Variants in GRIK2 observed in about 807,000 individuals in gnomAD.
GRIK2 encodes glutamate ionotropic receptor kainate type subunit 2, also known as glutamate receptor ionotropic, kainate 2.
In GRIK2, 32 loss-of-function variants were observed where a neutral mutation model predicts 100.3. The ratio of observed to expected loss-of-function variants is 0.32; its 90% CI spans 0.24 to 0.43. The LOEUF (loss-of-function observed/expected upper bound fraction) is 0.43. Ranked by LOEUF, GRIK2 falls within the 20% of genes least tolerant of loss-of-function variation. The probability of loss-of-function intolerance (pLI) is 1.00; values close to 1 mark genes in which losing one functional copy is unlikely to be tolerated. For missense variants in GRIK2, 843 were observed against 1,114.9 expected (o/e 0.76, Z 3.47); for synonymous variants, 417 against 389.4 (o/e 1.07, Z -0.83).
At chr6:101,837,031 T>C (rs548599330) in intron 10 of GRIK2, among the ~76,000 whole-genome samples, 1 of 152,228 alleles carries the variant, frequency 6.6e-6, no homozygotes, top group African/African-American at 2.4e-5. Context: ...ATCCAGAAAC[T>C]CAGTTCCTTC....
chr6:101,670,448 C>T (rs1770349262), intron 4 of GRIK2, among the ~76,000 whole-genome samples: 1 of 151,998 alleles, frequency 6.6e-6, no homozygotes, highest in Non-Finnish European at 1.5e-5. Context: ...AATAAGTAAA[C>T]ATTTATTGTA....
intron 14 of GRIK2, among the ~76,000 whole-genome samples, chr6:101,971,258 A>AT (rs1352040020): frequency 8.6e-5 from 13 of 152,038 alleles, no homozygotes; most frequent in African/African-American, 3.1e-4. Flanking sequence ...TTTTACAACC[A>AT]TTTTTCTAAT....
intron 12 of GRIK2, among the ~76,000 whole-genome samples, chr6:101,895,092 A>G (rs923297770): frequency 5.9e-5 from 9 of 151,826 alleles, no homozygotes; most frequent in Admixed American, 4.6e-4. Context: ...GCATTAGGCT[A>G]TTTAAATGAA....
intron 4 of GRIK2, among the ~76,000 whole-genome samples, chr6:101,633,337 G>C (rs1311573662): frequency 6.6e-6 from 1 of 152,090 alleles, no homozygotes; most frequent in African/African-American, 2.4e-5. Flanking sequence ...GGTTACTACG[G>C]TCTTTGGTAT....
rs751166491 is a variant in GRIK2 at position 101,495,513 on chromosome 6, G to GTAAA, written c.115+96141_115+96144dup. 1.3e-3 allele frequency among the ~76,000 whole-genome samples: 199 copies of GTAAA among 151,636 alleles called. 3 individuals are homozygous for GTAAA. Among genetic ancestry groups the GTAAA allele is most frequent in the Admixed American group, 2.0e-3 (30 of 15,206 alleles). On this transcript the variant is annotated intron_variant, in intron 2 of 16. Coordinates refer to ENST00000369134, the MANE Select transcript of GRIK2 (RefSeq NM_021956.5). ...AGAGCAAGACTCCGTCTCAAAATAA[G>GTAAA]TAAATAAATAAATAAATAAATAAGA...
intron 14 of GRIK2, among the ~76,000 whole-genome samples, chr6:101,982,677 C>T (rs1231222538): frequency 6.8e-5 from 10 of 147,772 alleles, no homozygotes; most frequent in African/African-American, 7.5e-5. Flanking sequence ...TCAATGTGTA[C>T]GAGAATCCAG....
At chr6:101,878,735 A>C (rs1318102351) in intron 11 of GRIK2, among the ~76,000 whole-genome samples, 1 of 151,664 alleles carries the variant, frequency 6.6e-6, no homozygotes, top group African/African-American at 2.4e-5. Context: ...CTTCATTCCT[A>C]ATCTTTCTTC....
intron 2 of GRIK2, among the ~76,000 whole-genome samples, chr6:101,464,883 T>C (rs935181275): frequency 1.3e-5 from 2 of 152,154 alleles, no homozygotes; most frequent in Non-Finnish European, 2.9e-5. Context: ...ATAGGCCTTT[T>C]AAAGGGCTTA....
intron 4 of GRIK2, among the ~76,000 whole-genome samples, chr6:101,631,094 G>C (rs1208558494): frequency 1.3e-5 from 2 of 151,944 alleles, no homozygotes; most frequent in African/African-American, 4.8e-5. Flanking sequence ...ATTAGCATTT[G>C]TTGTTGTCAT....
rs566523435 is a variant in GRIK2, at chr6:101,698,111, G to A, written c.951+11758G>A. 2.6e-5 allele frequency among the ~76,000 whole-genome samples: 4 copies of A among 152,142 alleles called. No individual in the cohort carries two copies. The East Asian group carries it at 7.7e-4, about 29-fold the overall frequency. On this transcript the variant is annotated intron_variant, in intron 7 of 16. Coordinates refer to ENST00000369134, the MANE Select transcript of GRIK2 (RefSeq NM_021956.5). Reference sequence around the variant, plus strand: ...GTAGTTGCTTATTTTAATGCTCTGGGTGAGATTAACTAAATGAATGAACAT... The same window carrying A: ...GTAGTTGCTTATTTTAATGCTCTGGATGAGATTAACTAAATGAATGAACAT...
At chr6:101,874,662 C>T (rs919538855) in intron 11 of GRIK2, among the ~76,000 whole-genome samples, 1 of 152,096 alleles carries the variant, frequency 6.6e-6, no homozygotes, top group African/African-American at 2.4e-5. Context: ...ATGGGGATGG[C>T]ATTGAATCTA....
intron 7 of GRIK2, among the ~76,000 whole-genome samples, chr6:101,696,219 T>A (rs553491584): frequency 2.0e-5 from 3 of 152,048 alleles, no homozygotes; most frequent in Admixed American, 2.0e-4. Context: ...TTTAGTCATG[T>A]TCAATTTTAG....
chr6:101,479,644 A>T (rs2128260414), intron 2 of GRIK2, among the ~76,000 whole-genome samples: 1 of 152,280 alleles, frequency 6.6e-6, no homozygotes, highest in East Asian at 1.9e-4. Flanking sequence ...TACTGGAACA[A>T]TAAGTAGATT....
At chr6:101,831,743 C>T (rs1782709764) in intron 10 of GRIK2, among the ~76,000 whole-genome samples, 1 of 151,876 alleles carries the variant, frequency 6.6e-6, no homozygotes, top group Non-Finnish European at 1.5e-5. Flanking sequence ...TGTATTTTTT[C>T]CTGTAGCATT....
intron 11 of GRIK2, among the ~76,000 whole-genome samples, chr6:101,873,894 C>T (rs1409351318): frequency 6.6e-6 from 1 of 152,146 alleles, no homozygotes; most frequent in African/African-American, 2.4e-5. Flanking sequence ...TAAATGTCTT[C>T]TTTGGAGAAG....
chr6:101,915,428 G>T lies in GRIK2; in HGVS notation c.1749-9173G>T, dbSNP rs1432262191. 1.3e-4 allele frequency among the ~76,000 whole-genome samples: 19 copies of T among 151,362 alleles called. No homozygotes were observed. The Admixed American group carries it at 1.3e-3, about 10-fold the overall frequency. ...CAAACAAATAATAAAACCTAAAAGT[G>T]AAGTGGTACTTGCTGAATATAAGAA... On this transcript the variant is annotated intron_variant, in intron 12 of 16. Coordinates refer to ENST00000369134, the MANE Select transcript of GRIK2 (RefSeq NM_021956.5).
chr6:101,653,490 G>T (rs1174344409), intron 4 of GRIK2, among the ~76,000 whole-genome samples: 2 of 151,928 alleles, frequency 1.3e-5, no homozygotes, highest in Non-Finnish European at 2.9e-5. Flanking sequence ...CCCCAAACTC[G>T]TCATGCTGTC....
intron 9 of GRIK2, among the ~76,000 whole-genome samples, chr6:101,805,583 C>A (rs559441230): frequency 6.6e-6 from 1 of 151,958 alleles, no homozygotes; most frequent in Non-Finnish European, 1.5e-5. Context: ...GACCAGCACA[C>A]TTCATTTAGT....
At chr6:101,738,609 A>G (rs1432356520) in intron 7 of GRIK2, among the ~76,000 whole-genome samples, 2 of 152,082 alleles carry the variant, frequency 1.3e-5, no homozygotes, top group African/African-American at 4.8e-5. Context: ...TTTATATGGT[A>G]AATATTAAGC....
Sources: gnomAD v4.1 joint callset for allele counts (sites outside exome capture counted in the v4.1 genomes callset) on GRCh38, gnomAD v4.1.1 for gene constraint, MANE v1.5 for transcripts, NCBI Gene and HGNC (gene_info 2026-07-23, HGNC 2026-07-21) for gene names.